AP5Z1: variants seen among roughly 807,000 people sequenced by gnomAD.
AP5Z1 encodes the protein AP-5 complex subunit zeta-1.
AP5Z1 carries 106 observed loss-of-function variants against 83.0 expected under a neutral mutation model. The observed-to-expected ratio is 1.28, with a 90% CI of 1.09 to 1.50. The LOEUF is 1.50. Ranked by LOEUF, AP5Z1 falls within the 40% of genes most tolerant of loss-of-function variation. The probability of loss-of-function intolerance (pLI) is 0.00; values close to 1 mark genes in which losing one functional copy is unlikely to be tolerated. For synonymous variants in AP5Z1, 751 were observed against 514.1 expected (o/e 1.46, Z -6.23); for missense variants, 1,565 against 1,094.2 (o/e 1.43, Z -6.07).
intron 1 of AP5Z1, among the ~76,000 whole-genome samples, chr7:4,780,659 G>A (rs780756468): frequency 1.3e-5 from 2 of 152,104 alleles, no homozygotes; most frequent in East Asian, 1.9e-4. Context: ...CCATCTACTC[G>A]GAAGACTGAG....
intron 1 of AP5Z1, among the ~76,000 whole-genome samples, chr7:4,776,243 A>T (rs548185077): frequency 6.6e-6 from 1 of 151,480 alleles, no homozygotes; most frequent in Admixed American, 6.6e-5. Flanking sequence ...GCGCGGATGT[A>T]TTAGCTAGGC....
chr7:4,787,328 A>G (rs1343269647), intron 10 of AP5Z1, among the ~76,000 whole-genome samples: 1 of 151,970 alleles, frequency 6.6e-6, no homozygotes, highest in East Asian at 1.9e-4. Context: ...TCTTGTCTAC[A>G]AAAAGTAAAC....
At chr7:4,775,889 G>T in intron 1 of AP5Z1, 133 bp downstream of exon 1, 1 of 1,340,354 alleles carries the variant, frequency 7.5e-7, no homozygotes, top group Non-Finnish European at 1.0e-6. Flanking sequence ...CGAGACTTGG[G>T]GATCGGGTAA....
At chr7:4,790,239 G>A (rs770827357) in intron 14 of AP5Z1, 2 of 1,548,306 alleles carry the variant, frequency 1.3e-6, no homozygotes, top group South Asian at 2.4e-5. Flanking sequence ...GCCCATCCTG[G>A]TTCCACTCTG....
rs73305392 is a variant in AP5Z1, at chr7:4,790,664, C to T, written c.1939-9C>T. 19,886 of 1,611,958 alleles carry T rather than the reference C, an allele frequency of 0.012. 778 individuals are homozygous for T. In the African/African-American group the frequency reaches 0.14, roughly 11 times the overall value. Reference sequence around the variant, plus strand: ...TGGGTGGGGGCTGAATCTCTGTCCCCGGGCCTAGGTGTGGGCCATCGGCGA... The same window carrying T: ...TGGGTGGGGGCTGAATCTCTGTCCCTGGGCCTAGGTGTGGGCCATCGGCGA... On this transcript the variant is annotated splice_polypyrimidine_tract_variant and intron_variant, in intron 15 of 16. Coordinates refer to ENST00000649063, the MANE Select transcript of AP5Z1 (RefSeq NM_014855.3).
At position 4,786,391 on chromosome 7, in the gene AP5Z1, T is replaced by C; in HGVS notation, c.1274T>C (p.Leu425Pro). The change falls in exon 10 of 17, where the codon CTC (leucine) becomes CCC (proline). Residue 425 changes from leucine to proline, a missense_variant. Coordinates refer to ENST00000649063, the MANE Select transcript of AP5Z1 (RefSeq NM_014855.3). Reference protein sequence around the residue: ...RDNLHLFSGHLSTLRLSFPNL... With the variant: ...RDNLHLFSGHPSTLRLSFPNL... The stretch of plus-strand genomic sequence containing the variant: ...AACCTCCACCTGTTCAGCGGGCACC[T>C]CAGCACCCTCAGATTGAGCTTCCCC... 6.2e-7 allele frequency: 1 copy of C among 1,613,884 alleles called. No individual in the cohort carries two copies. The highest frequency in any genetic ancestry group is 2.2e-5 in the East Asian group (1 of 44,870).
In AP5Z1 at chr7:4,790,744, C is replaced by T. The variant is rs750796286; in HGVS notation, c.2010C>T (p.Phe670=). The change falls in exon 16 of 17, where the codon TTC becomes TTT. Residue 670 remains phenylalanine, a synonymous_variant. Coordinates refer to ENST00000649063, the MANE Select transcript of AP5Z1 (RefSeq NM_014855.3). ...RRCTVEQINK[F]FEALEALLFE... is the part of the protein sequence containing the mutation. ...GCACCGTGGAGCAGATCAACAAGTT[C>T]TTCGAAGCCCTGGAGGCTCTGCTAT... The T allele has an allele frequency of 5.0e-6, 8 of 1,609,712 alleles. No homozygotes were observed. Among genetic ancestry groups the T allele is most frequent in the Non-Finnish European group, 6.8e-6 (8 of 1,178,924 alleles).
intron 7 of AP5Z1, 110 bp from the exon 8 acceptor site, chr7:4,785,305 C>G (rs1781506284): frequency 2.1e-6 from 3 of 1,442,230 alleles, no homozygotes; most frequent in Non-Finnish European, 2.8e-6. Flanking sequence ...GGGGCCTGTC[C>G]CACCCCCCTG....
At chr7:4,780,577 A>G (rs969430277) in intron 1 of AP5Z1, among the ~76,000 whole-genome samples, 2 of 152,180 alleles carry the variant, frequency 1.3e-5, no homozygotes, top group African/African-American at 4.8e-5. Context: ...ATCCTGGCCA[A>G]CATGGTGAAA....
intron 1 of AP5Z1, among the ~76,000 whole-genome samples, chr7:4,779,038 A>G (rs1250739169): frequency 4.7e-4 from 68 of 145,360 alleles, no homozygotes; most frequent in Admixed American, 4.4e-3. Context: ...CTCAAAAAAT[A>G]TATATATAGA....
chr7:4,789,352 C>T (rs570834096), intron 13 of AP5Z1, among the ~76,000 whole-genome samples: 3 of 152,248 alleles, frequency 2.0e-5, no homozygotes, highest in Admixed American at 6.5e-5. Flanking sequence ...CAGCTGGGGC[C>T]GGAGCAGTTT....
Position 4,775,752 on chromosome 7 carries a change from G to A in AP5Z1, c.37G>A (p.Ala13Thr), listed in dbSNP as rs1262433596. Residue 13 changes from alanine to threonine, a missense_variant, in exon 1 of 17, where the codon GCC becomes ACC. Physicochemically the swap from Ala to Thr is moderately conservative, Grantham distance 58. Coordinates refer to ENST00000649063, the MANE Select transcript of AP5Z1 (RefSeq NM_014855.3). ...AGGAGCGGAGAGTTTGCTCCACCAG[G>A]CCAGGTACGGGGGAGCTGCGGCCCC... ...SAGAESLLHQ[A>T]REIQDEELKK... 1 of 1,605,002 alleles carries A rather than the reference G, an allele frequency of 6.2e-7. No individual in the cohort carries two copies. The highest frequency in any genetic ancestry group is 2.2e-5 in the East Asian group (1 of 44,856).
In AP5Z1 at chr7:4,785,683, CGGT is replaced by C. The variant is rs2115114032; in HGVS notation, c.1132+1_1132+3del. ...CCCTCGCCCACTTCTTCCTGAGCCA[CGGT>C]GAGCCCAGGGTGGGGTGGCGCTGAC... On this transcript the variant is annotated splice_donor_variant and coding_sequence_variant, in exon 9 of 17. Transcript: ENST00000649063. LOFTEE classifies it high-confidence loss of function. The C allele has an allele frequency of 5.9e-6, 9 of 1,528,648 alleles. No individual in the cohort carries two copies. Among genetic ancestry groups the C allele is most frequent in the Non-Finnish European group, 7.9e-6 (9 of 1,136,300 alleles). 94.7% of individuals were successfully genotyped at this position (1,528,648 alleles called of 1,614,324 possible). A position where few individuals can be genotyped will look rare whatever the true frequency, so the allele number is the denominator to read the frequency against.
chr7:4,784,809 G>A, intron 6 of AP5Z1, 99 bp from the exon 7 acceptor site: 3 of 1,445,578 alleles, frequency 2.1e-6, no homozygotes, highest in Non-Finnish European at 2.8e-6. Context: ...GGGAGGGGCT[G>A]CGGCCTGTGC....
intron 1 of AP5Z1, among the ~76,000 whole-genome samples, chr7:4,776,811 G>A (rs1386711700): frequency 6.6e-6 from 1 of 152,104 alleles, no homozygotes; most frequent in Admixed American, 6.6e-5. Context: ...AACTTGGTGA[G>A]GTGAGAGGCC....
intron 1 of AP5Z1, among the ~76,000 whole-genome samples, chr7:4,778,193 C>A (rs201407809): frequency 6.6e-6 from 1 of 152,174 alleles, no homozygotes; most frequent in Non-Finnish European, 1.5e-5. Flanking sequence ...CCACTGCACT[C>A]CAGCTCGGGT....
In AP5Z1 at chr7:4,785,603, A is replaced by C; in HGVS notation, c.1051A>C (p.Lys351Gln). The C allele has an allele frequency of 6.3e-7, 1 of 1,595,452 alleles. No individual in the cohort carries two copies. The stretch of plus-strand genomic sequence containing the variant: ...CCTGTACCGAAGTCTCTCCTGCCTG[A>C]AGGCCCTGCACGGGCGGGTGCGCGG... ...SFLYRSLSCLKALHGRVRGDP... is the reference protein window; with the variant it reads ...SFLYRSLSCLQALHGRVRGDP... The change falls in exon 9 of 17, where the codon AAG (lysine) becomes CAG (glutamine). Residue 351 changes from lysine to glutamine, a missense_variant. Transcript: ENST00000649063.
intron 1 of AP5Z1, 78 bp from the exon 2 acceptor site, chr7:4,781,096 TC>T (rs752686226): frequency 9.7e-5 from 149 of 1,535,106 alleles, no homozygotes; most frequent in Non-Finnish European, 1.3e-4. Flanking sequence ...AGAGGGATTT[TC>T]CCTGCTCCAA....
rs553805221 is a variant in AP5Z1 at position 4,778,350 on chromosome 7, C to T, written c.41+2594C>T. 5.3e-5 allele frequency among the ~76,000 whole-genome samples: 8 copies of T among 152,116 alleles called. No homozygotes were observed. The South Asian group carries it at 1.0e-3, about 20-fold the overall frequency. Reference sequence around the variant, plus strand: ...CAAGCTGAAGGATAAATGGAGAGAGCGGGAAGCGAGTAAAGGATGGGGGCA... The same window carrying T: ...CAAGCTGAAGGATAAATGGAGAGAGTGGGAAGCGAGTAAAGGATGGGGGCA... On this transcript the variant is annotated intron_variant, in intron 1 of 16. Transcript: ENST00000649063.
Sources: allele counts gnomAD v4.1 joint callset (sites outside exome capture counted in the v4.1 genomes callset), GRCh38; gene constraint gnomAD v4.1.1; transcripts MANE v1.5; gene names NCBI Gene and HGNC (gene_info 2026-07-23, HGNC 2026-07-21).